Variants in CERS6 observed in about 807,000 individuals in gnomAD.
CERS6 encodes the protein ceramide synthase 6, also known as LAG1 homolog, ceramide synthase 6.
CERS6 carries 26 observed loss-of-function variants against 56.8 expected under a neutral mutation model. The observed-to-expected ratio is 0.46, with a 90% confidence interval of 0.34 to 0.63. CERS6 has a LOEUF of 0.63. CERS6 is among the 30% of genes least tolerant of loss of function. The probability of loss-of-function intolerance (pLI) is 0.01; values close to 1 mark genes in which losing one functional copy is unlikely to be tolerated. For missense variants in CERS6, 415 were observed against 467.5 expected (o/e 0.89, Z 1.04); for synonymous variants, 164 against 173.3 (o/e 0.95, Z 0.42).
intron 1 of CERS6, among the ~76,000 whole-genome samples, chr2:168,470,596 C>T (rs73969225): frequency 1.4e-3 from 218 of 152,206 alleles, no homozygotes; most frequent in African/African-American, 5.1e-3. Flanking sequence ...TTACTGAGAC[C>T]ATAAACTTTT....
chr2:168,727,948 A>T (rs556018755), intron 8 of CERS6, among the ~76,000 whole-genome samples: 2 of 152,338 alleles, frequency 1.3e-5, no homozygotes, highest in East Asian at 3.9e-4. Context: ...GATGTGAAAG[A>T]GGTTAGATGG....
intron 6 of CERS6, among the ~76,000 whole-genome samples, chr2:168,706,976 T>G (rs751059460): frequency 7.9e-5 from 12 of 152,226 alleles, no homozygotes; most frequent in Admixed American, 3.9e-4. Context: ...GTGGCTGTAT[T>G]CCAATAAAAC....
intron 4 of CERS6, among the ~76,000 whole-genome samples, chr2:168,690,615 T>C (rs530018275): frequency 1.3e-5 from 2 of 152,222 alleles, no homozygotes; most frequent in African/African-American, 4.8e-5. Flanking sequence ...TTGGTAAACA[T>C]TGAGTCTGAG....
intron 9 of CERS6, chr2:168,766,198 G>T (rs1684725709): frequency 1.2e-6 from 1 of 826,822 alleles, no homozygotes; most frequent in Non-Finnish European, 2.0e-6. Flanking sequence ...TGGACTTGAG[G>T]TTGATTCGAA....
Position 168,539,251 on chromosome 2 carries a change from C to G in CERS6, c.171-8345C>G. The stretch of plus-strand genomic sequence containing the variant: ...AAGTGCTGGGATTACAGGCGTGAGC[C>G]ACCGCGCCCGGCCGAAAATATTGTT... On this transcript the variant is annotated intron_variant, in intron 1 of 9. Transcript: ENST00000305747. Among the ~76,000 whole-genome samples, 2 of 1,180 alleles carry G rather than the reference C, an allele frequency of 1.7e-3. 1 individual carries two copies. Among genetic ancestry groups the G allele is most frequent in the Non-Finnish European group, 1 (2 of 2 alleles). The allele number at this position is 1,180 out of a possible 152,430, so 0.8% of individuals were successfully genotyped here.
intron 4 of CERS6, among the ~76,000 whole-genome samples, chr2:168,643,634 A>G (rs1467954849): frequency 2.6e-5 from 4 of 152,168 alleles, no homozygotes; most frequent in Admixed American, 2.0e-4. Flanking sequence ...CCAGTTGATC[A>G]TTATTGCCAT....
intron 3 of CERS6, among the ~76,000 whole-genome samples, chr2:168,598,993 T>C (rs1211937226): frequency 1.3e-5 from 2 of 152,118 alleles, no homozygotes; most frequent in South Asian, 2.1e-4. Flanking sequence ...GCACTTGACA[T>C]TTGTGTAGCT....
At chr2:168,744,981 G>C (rs187981751) in intron 8 of CERS6, among the ~76,000 whole-genome samples, 2 of 152,230 alleles carry the variant, frequency 1.3e-5, no homozygotes, top group Admixed American at 1.3e-4. Flanking sequence ...TGTGGCAAGC[G>C]GCATTGCTTT....
chr2:168,565,839 AAG>A lies in CERS6; in HGVS notation c.407+4523_407+4524del, dbSNP rs558102060. 2.6e-4 allele frequency among the ~76,000 whole-genome samples: 40 copies of A among 152,332 alleles called. No homozygotes were observed. In the South Asian group the frequency reaches 8.3e-3, roughly 32 times the overall value. On this transcript the variant is annotated intron_variant, in intron 3 of 9. Transcript: ENST00000305747. Reference sequence around the variant, plus strand: ...ATTGGCAACTGAAATAGAGAATTTCAAGAGAGAATGAAGAATTTATAAAAATG... The same window carrying A: ...ATTGGCAACTGAAATAGAGAATTTCAAGAGAATGAAGAATTTATAAAAATG...
intron 4 of CERS6, among the ~76,000 whole-genome samples, chr2:168,633,278 T>G (rs1006319743): frequency 5.9e-5 from 9 of 152,124 alleles, no homozygotes; most frequent in African/African-American, 2.2e-4. Flanking sequence ...CAGCACTCAA[T>G]TTTTGATGAG....
chr2:168,717,846 A>C (rs773525591), intron 7 of CERS6, 26 bp from the exon 8 acceptor site: 1 of 1,539,748 alleles, frequency 6.5e-7, no homozygotes, highest in African/African-American at 1.4e-5. Context: ...AACTACATTA[A>C]TATATCACAT....
intron 1 of CERS6, among the ~76,000 whole-genome samples, chr2:168,505,720 A>T (rs1351315284): frequency 6.6e-6 from 1 of 152,166 alleles, no homozygotes; most frequent in Non-Finnish European, 1.5e-5. Context: ...TAGAGGGAAA[A>T]TTCCCCTTGT....
intron 3 of CERS6, among the ~76,000 whole-genome samples, chr2:168,572,689 A>G (rs1446278288): frequency 6.6e-6 from 1 of 151,926 alleles, no homozygotes; most frequent in Non-Finnish European, 1.5e-5. Flanking sequence ...CTGGAGTTAA[A>G]TTTGTTGCTT....
chr2:168,668,446 T>TTC (rs1685822548), intron 4 of CERS6, among the ~76,000 whole-genome samples: 1 of 148,804 alleles, frequency 6.7e-6, no homozygotes, highest in Non-Finnish European at 1.5e-5. Context: ...AACTCTATCT[T>TTC]TTTTTTTTTT....
chr2:168,606,249 C>T (rs1166876765), intron 3 of CERS6: 1 of 152,246 alleles, frequency 6.6e-6, no homozygotes. Flanking sequence ...AATGACTGCC[C>T]TCCTGGGTTT....
chr2:168,521,618 C>A (rs1694984831), intron 1 of CERS6, among the ~76,000 whole-genome samples: 1 of 152,192 alleles, frequency 6.6e-6, no homozygotes, highest in Non-Finnish European at 1.5e-5. Flanking sequence ...CACTTCCAGA[C>A]AGACGTCTTG....
rs933738490 is a variant in CERS6 at position 168,771,861 on chromosome 2, A to C, written c.*2199A>C. The C allele has an allele frequency of 5.9e-5, 9 of 152,236 alleles. No homozygotes were observed. Among genetic ancestry groups the C allele is most frequent in the African/African-American group, 2.2e-4 (9 of 41,466 alleles). 9.4% of individuals were successfully genotyped at this position (152,236 alleles called of 1,614,324 possible). On this transcript the variant is annotated 3_prime_UTR_variant, in exon 10 of 10. Transcript: ENST00000305747. The stretch of plus-strand genomic sequence containing the variant: ...GTCATTAGCAAAGGCAAATCTAAGC[A>C]ATCATTTTTCCCCCCAGAAGTTACT...
At chr2:168,739,794 G>A (rs907850913) in intron 8 of CERS6, among the ~76,000 whole-genome samples, 2 of 151,430 alleles carry the variant, frequency 1.3e-5, no homozygotes, top group African/African-American at 2.4e-5. Context: ...CACCCAGGCT[G>A]TAGTACAATG....
At chr2:168,718,062 AG>A in intron 8 of CERS6, 84 bp downstream of exon 8, 1 of 950,132 alleles carries the variant, frequency 1.1e-6, no homozygotes, top group Non-Finnish European at 1.6e-6. Context: ...TTTTACTGTA[AG>A]TATTTACAGG....
Sources: allele counts gnomAD v4.1 joint callset (sites outside exome capture counted in the v4.1 genomes callset), GRCh38; gene constraint gnomAD v4.1.1; transcripts MANE v1.5; gene names NCBI Gene and HGNC (gene_info 2026-07-23, HGNC 2026-07-21).